CAMK2D: variants seen among roughly 807,000 people sequenced by gnomAD.
CAMK2D encodes the protein calcium/calmodulin-dependent protein kinase type II subunit delta.
In CAMK2D, 37 loss-of-function variants were observed where a neutral mutation model predicts 84.0. The ratio of observed to expected loss-of-function variants is 0.44; its 90% CI spans 0.34 to 0.58. CAMK2D has a LOEUF of 0.58. Ranked by LOEUF, CAMK2D falls within the 20% of genes least tolerant of loss-of-function variation. CAMK2D has a pLI of 0.02. For synonymous variants in CAMK2D, 202 were observed against 212.5 expected, an observed-to-expected ratio of 0.95 and a Z score of 0.43; for missense variants, 448 against 652.5, an observed-to-expected ratio of 0.69 and a Z score of 3.41.
At chr4:113,664,825 C>G (rs1260764393) in intron 2 of CAMK2D, among the ~76,000 whole-genome samples, 1 of 145,676 alleles carries the variant, frequency 6.9e-6, no homozygotes, top group Non-Finnish European at 1.5e-5. Context: ...TTTTTTGAGA[C>G]AGAGTTTTGC....
chr4:113,706,972 G>C (rs748737430), intron 2 of CAMK2D, among the ~76,000 whole-genome samples: 2 of 151,082 alleles, frequency 1.3e-5, no homozygotes, highest in Non-Finnish European at 2.9e-5. Context: ...AGTCTTTCCT[G>C]TCATTTTGCA....
chr4:113,673,827 T>C (rs2099305137), intron 2 of CAMK2D, among the ~76,000 whole-genome samples: 1 of 152,224 alleles, frequency 6.6e-6, no homozygotes, highest in Non-Finnish European at 1.5e-5. Flanking sequence ...ATCAGGACTT[T>C]TAAAATCCTG....
chr4:113,710,349 G>T (rs1220386251), intron 2 of CAMK2D, among the ~76,000 whole-genome samples: 3 of 152,022 alleles, frequency 2.0e-5, no homozygotes, highest in Non-Finnish European at 4.4e-5. Context: ...ATTATGACTG[G>T]AAGAACAAAA....
At chr4:113,552,183 T>C in intron 4 of CAMK2D, 87 bp from the exon 5 acceptor site, 1 of 702,326 alleles carries the variant, frequency 1.4e-6, no homozygotes. Context: ...CATATAGCTG[T>C]TTTTCTTAGA....
chr4:113,502,636 A>G (rs541431087), intron 15 of CAMK2D, among the ~76,000 whole-genome samples: 2 of 152,186 alleles, frequency 1.3e-5, no homozygotes, highest in South Asian at 2.1e-4. Context: ...AGTCATGGGG[A>G]AAAAAATGAC....
intron 16 of CAMK2D, among the ~76,000 whole-genome samples, chr4:113,474,357 A>G (rs1442348284): frequency 6.6e-6 from 1 of 152,206 alleles, no homozygotes; most frequent in African/African-American, 2.4e-5. Flanking sequence ...AGCATTCTCT[A>G]AGGGTATCTC....
chr4:113,531,045 C>T lies in CAMK2D; in HGVS notation c.601+171G>A, dbSNP rs965598648. Among the ~76,000 whole-genome samples the T allele has an allele frequency of 2.0e-5, 3 of 152,170 alleles. No individual in the cohort carries two copies. In the East Asian group the frequency reaches 5.8e-4, roughly 29 times the overall value. On this transcript the variant is annotated intron_variant, in intron 8 of 20. Coordinates refer to ENST00000511664, the MANE Select transcript of CAMK2D (RefSeq NM_001321571.2). ...GTTGCAGTGAGCCGGGATTGTACCA[C>T]TGCACTCCAGCCTGGGCGACAGAGC...
chr4:113,731,301 G>A (rs1242682460), intron 2 of CAMK2D, among the ~76,000 whole-genome samples: 2 of 152,122 alleles, frequency 1.3e-5, no homozygotes, highest in East Asian at 1.9e-4. Flanking sequence ...GCATTCCCGG[G>A]TCTAAAGAGG....
chr4:113,721,931 CA>C (rs905380670), intron 2 of CAMK2D, among the ~76,000 whole-genome samples: 13 of 152,082 alleles, frequency 8.5e-5, no homozygotes, highest in African/African-American at 3.1e-4. Context: ...TTGTTCTTCC[CA>C]CAGGAGCCTT....
At position 113,452,026 on chromosome 4, in the gene CAMK2D, G is replaced by A. The variant is rs920664764; in HGVS notation, c.*2519C>T. On this transcript the variant is annotated 3_prime_UTR_variant, in exon 21 of 21. Transcript: ENST00000511664. ...TGTTTTTAGCAAATCAAAAGAAGCT[G>A]AGCATCCATGTATGCTCAAGTTCAA... 2.6e-5 allele frequency: 4 copies of A among 151,924 alleles called. No homozygotes were observed. The highest frequency in any genetic ancestry group is 5.9e-5 in the Non-Finnish European group (4 of 68,008). The allele number at this position is 151,924 out of a possible 1,614,324, so 9.4% of individuals were successfully genotyped here.
chr4:113,692,939 T>C (rs1303089565), intron 2 of CAMK2D, among the ~76,000 whole-genome samples: 1 of 152,154 alleles, frequency 6.6e-6, no homozygotes, highest in East Asian at 1.9e-4. Context: ...GAACTGCTTA[T>C]AATGGTTTTC....
rs529679199 is a variant in CAMK2D at position 113,734,767 on chromosome 4, A to G, written c.160+24553T>C. On this transcript the variant is annotated intron_variant, in intron 2 of 20. Transcript: ENST00000511664. ...CTGTGTTCATATTTCTCTAAATGCA[A>G]TATATGCCTTCATGTTAATACAAAG... 2.0e-5 allele frequency among the ~76,000 whole-genome samples: 3 copies of G among 152,298 alleles called. No homozygotes were observed. In the East Asian group the frequency reaches 5.8e-4, roughly 29 times the overall value.
At position 113,537,457 on chromosome 4, in the gene CAMK2D, G is replaced by C; in HGVS notation, c.415-14C>G. 7.1e-7 allele frequency: 1 copy of C among 1,417,372 alleles called. No homozygotes were observed. Among genetic ancestry groups the C allele is most frequent in the East Asian group, 2.3e-5 (1 of 43,186 alleles). 87.8% of individuals were successfully genotyped at this position (1,417,372 alleles called of 1,614,324 possible). ...CAAATTCTCAGGCTTTATTTAGAAA[G>C]AAAAAAAAAGAGACTGAAGTGAGAA... On this transcript the variant is annotated splice_polypyrimidine_tract_variant and intron_variant, in intron 6 of 20. Coordinates refer to ENST00000511664, the MANE Select transcript of CAMK2D (RefSeq NM_001321571.2).
At chr4:113,676,561 T>C (rs2099319121) in intron 2 of CAMK2D, among the ~76,000 whole-genome samples, 1 of 152,200 alleles carries the variant, frequency 6.6e-6, no homozygotes, top group Non-Finnish European at 1.5e-5. Context: ...AAATGTGCCA[T>C]TGAAGGAGTT....
At chr4:113,485,499 A>G (rs555000176) in intron 16 of CAMK2D, among the ~76,000 whole-genome samples, 71 of 152,298 alleles carry the variant, frequency 4.7e-4, no homozygotes, top group Non-Finnish European at 9.4e-4. Flanking sequence ...AAACATAAAC[A>G]AAACAAAACT....
intron 5 of CAMK2D, among the ~76,000 whole-genome samples, chr4:113,549,093 A>T (rs2098605071): frequency 6.6e-6 from 1 of 152,220 alleles, no homozygotes; most frequent in African/African-American, 2.4e-5. Context: ...GAGATATAAA[A>T]TTTCCAGGTA....
intron 8 of CAMK2D, among the ~76,000 whole-genome samples, chr4:113,528,376 T>C (rs2098436206): frequency 6.6e-6 from 1 of 152,104 alleles, no homozygotes; most frequent in Admixed American, 6.5e-5. Flanking sequence ...ATACAGCAAG[T>C]GAACTGAGAA....
At chr4:113,692,562 A>C (rs1381356131) in intron 2 of CAMK2D, among the ~76,000 whole-genome samples, 2 of 152,004 alleles carry the variant, frequency 1.3e-5, no homozygotes, top group African/African-American at 4.8e-5. Context: ...CACTATTCAT[A>C]TAGTCATACA....
At chr4:113,631,898 C>T (rs2099091317) in intron 3 of CAMK2D, among the ~76,000 whole-genome samples, 1 of 152,120 alleles carries the variant, frequency 6.6e-6, no homozygotes, top group Non-Finnish European at 1.5e-5. Flanking sequence ...ATAGAGTTTA[C>T]ATACACTTGA....
Sources: gnomAD v4.1 joint callset for allele counts (sites outside exome capture counted in the v4.1 genomes callset) on GRCh38, gnomAD v4.1.1 for gene constraint, MANE v1.5 for transcripts, NCBI Gene and HGNC (gene_info 2026-07-23, HGNC 2026-07-21) for gene names.